Variants in MICU1 observed in about 807,000 individuals in gnomAD.
MICU1 encodes the protein mitochondrial calcium uptake 1.
Under a neutral mutation model 56.8 loss-of-function variants are expected in MICU1, and 45 were observed. The ratio of observed to expected loss-of-function variants is 0.79; its 90% confidence interval spans 0.62 to 1.02. The LOEUF is 1.02. MICU1 is among the 50% of genes least tolerant of loss of function. The pLI is 0.00. For synonymous variants in MICU1, 186 were observed against 195.1 expected (o/e 0.95, Z 0.39); for missense variants, 504 against 587.1 (o/e 0.86, Z 1.46).
chr10:72,534,217 T>C (rs976007591), intron 4 of MICU1, among the ~76,000 whole-genome samples: 1 of 150,870 alleles, frequency 6.6e-6, no homozygotes, highest in East Asian at 1.9e-4. Flanking sequence ...AAAAAAACTA[T>C]TGCAGTACAC....
chr10:72,515,276 T>A (rs1867611035), intron 5 of MICU1, among the ~76,000 whole-genome samples: 1 of 152,218 alleles, frequency 6.6e-6, no homozygotes, highest in Non-Finnish European at 1.5e-5. Context: ...GTTTTAAGTC[T>A]TTCGTTAGAT....
chr10:72,584,944 C>T (rs1290226769), intron 1 of MICU1, among the ~76,000 whole-genome samples: 1 of 152,100 alleles, frequency 6.6e-6, no homozygotes, highest in African/African-American at 2.4e-5. Flanking sequence ...AAGGAAATTA[C>T]AGCCAAGAAA....
intron 5 of MICU1, among the ~76,000 whole-genome samples, chr10:72,512,107 G>GTTTTTTTTTTTTT (rs869183579): frequency 6.8e-5 from 2 of 29,504 alleles, no homozygotes; most frequent in African/African-American, 1.9e-4. Context: ...GTTGTTTTTT[G>GTTTTTTTTTTTTT]TTTTTTTTTT....
chr10:72,502,146 GTTTTTTTTTTTGTTT>G (rs1867090225), intron 6 of MICU1, among the ~76,000 whole-genome samples: 1 of 88,374 alleles, frequency 1.1e-5, no homozygotes, highest in African/African-American at 3.1e-5. Context: ...TTGTTTTGCT[GTTTTTTTTTTTGTTT>G]TTTTTTTTTT....
At chr10:72,389,571 G>T (rs988742927) in intron 10 of MICU1, among the ~76,000 whole-genome samples, 1 of 152,186 alleles carries the variant, frequency 6.6e-6, no homozygotes, top group Non-Finnish European at 1.5e-5. Flanking sequence ...ATAATTTTCA[G>T]TGTAAGTAGA....
chr10:72,595,465 GA>G (rs896728841), intron 1 of MICU1, among the ~76,000 whole-genome samples: 4 of 84,834 alleles, frequency 4.7e-5, no homozygotes, highest in Admixed American at 3.4e-4. Flanking sequence ...AAAAAAAAAA[GA>G]AAAAAAGAAA....
chr10:72,393,810 G>A (rs1221278583), intron 10 of MICU1, among the ~76,000 whole-genome samples: 3 of 152,186 alleles, frequency 2.0e-5, no homozygotes, highest in Non-Finnish European at 4.4e-5. Context: ...TCTGTCACCA[G>A]GCTGGAGTGC....
intron 10 of MICU1, among the ~76,000 whole-genome samples, chr10:72,386,476 C>T (rs1049309011): frequency 6.6e-6 from 1 of 152,054 alleles, no homozygotes; most frequent in Non-Finnish European, 1.5e-5. Flanking sequence ...GCCACTGTGC[C>T]CGGACAAGGG....
At chr10:72,543,449 G>A (rs1409440297) in intron 4 of MICU1, among the ~76,000 whole-genome samples, 3 of 152,118 alleles carry the variant, frequency 2.0e-5, no homozygotes, top group African/African-American at 4.8e-5. Context: ...CCCAGAAAGA[G>A]GATCACGTGA....
chr10:72,511,920 C>T (rs1284180791), intron 5 of MICU1, among the ~76,000 whole-genome samples: 1 of 152,072 alleles, frequency 6.6e-6, no homozygotes. Flanking sequence ...TGAGGGCAGA[C>T]CGTCCCCATC....
intron 10 of MICU1, among the ~76,000 whole-genome samples, chr10:72,398,904 A>T (rs1270810866): frequency 6.6e-6 from 1 of 152,216 alleles, no homozygotes; most frequent in African/African-American, 2.4e-5. Flanking sequence ...AACTATTCCA[A>T]TCAATAGAAA....
chr10:72,443,182 C>T (rs1317985747), intron 8 of MICU1, among the ~76,000 whole-genome samples: 8 of 152,146 alleles, frequency 5.3e-5, no homozygotes. Flanking sequence ...TGAGAAGTGT[C>T]TGTTCATGTC....
At chr10:72,456,196 G>A (rs1302786592) in intron 8 of MICU1, among the ~76,000 whole-genome samples, 1 of 152,184 alleles carries the variant, frequency 6.6e-6, no homozygotes, top group African/African-American at 2.4e-5. Flanking sequence ...TCTTTGCAAT[G>A]AGTCTAACAC....
chr10:72,587,640 T>G (rs1183655345), intron 1 of MICU1, among the ~76,000 whole-genome samples: 9 of 151,806 alleles, frequency 5.9e-5, no homozygotes, highest in Admixed American at 5.9e-4. Context: ...CAAAATTAGC[T>G]GGACATGGTG....
intron 1 of MICU1, among the ~76,000 whole-genome samples, chr10:72,620,162 C>T (rs1170231567): frequency 6.6e-6 from 1 of 152,032 alleles, no homozygotes; most frequent in African/African-American, 2.4e-5. Context: ...ACTGTCCAAG[C>T]AAGGTTATTA....
chr10:72,424,586 G>A (rs957314837), intron 8 of MICU1, among the ~76,000 whole-genome samples: 1 of 152,142 alleles, frequency 6.6e-6, no homozygotes, highest in South Asian at 2.1e-4. Flanking sequence ...TAAAGTGCTG[G>A]GATTACAGGT....
intron 3 of MICU1, 144 bp downstream of exon 3, chr10:72,562,751 G>T (rs1840331639): frequency 1.5e-6 from 1 of 687,512 alleles, no homozygotes; most frequent in Admixed American, 4.0e-5. Context: ...AGTACTTTTG[G>T]CTTAGAACAT....
At chr10:72,569,827 A>G (rs1840563317) in intron 1 of MICU1, among the ~76,000 whole-genome samples, 1 of 152,212 alleles carries the variant, frequency 6.6e-6, no homozygotes, top group African/African-American at 2.4e-5. Flanking sequence ...AGATGGGCTG[A>G]TGGAAGAAGA....
chr10:72,404,002 T>TC (rs1397996005), intron 10 of MICU1, among the ~76,000 whole-genome samples: 1 of 149,272 alleles, frequency 6.7e-6, no homozygotes, highest in Non-Finnish European at 1.5e-5. Flanking sequence ...GTTTGTTTGT[T>TC]TTTTGGAGAC....
Sources: gnomAD v4.1 joint callset for allele counts (sites outside exome capture counted in the v4.1 genomes callset) on GRCh38, gnomAD v4.1.1 for gene constraint, MANE v1.5 for transcripts, NCBI Gene and HGNC (gene_info 2026-07-23, HGNC 2026-07-21) for gene names.